The following MELK variants were observed in gnomAD, a reference collection of about 807,000 sequenced individuals.
MELK encodes the protein maternal embryonic leucine zipper kinase, also known as pEg3 kinase.
MELK carries 81 observed loss-of-function variants against 85.0 expected under a neutral mutation model. The observed-to-expected ratio is 0.95, with a 90% confidence interval of 0.80 to 1.15. The LOEUF (loss-of-function observed/expected upper bound fraction) is 1.15. Among genes scored for constraint, MELK ranks in the 50% most tolerant of loss-of-function variants. The pLI, the probability that MELK is intolerant of heterozygous loss-of-function variation, is 0.00. For missense variants in MELK, 754 were observed against 777.5 expected (o/e 0.97, Z 0.36); for synonymous variants, 252 against 265.0 (o/e 0.95, Z 0.48).
At chr9:36,595,478 C>A (rs1014787477) in intron 5 of MELK, among the ~76,000 whole-genome samples, 1 of 152,030 alleles carries the variant, frequency 6.6e-6, no homozygotes, top group African/African-American at 2.4e-5. Flanking sequence ...GCTATTCTTT[C>A]GCCCTGGCCT....
chr9:36,663,205 C>T (rs947083470), intron 13 of MELK, among the ~76,000 whole-genome samples: 9 of 151,822 alleles, frequency 5.9e-5, no homozygotes, highest in Non-Finnish European at 1.2e-4. Context: ...CTCAGCCTCC[C>T]GAGTAGCTGG....
chr9:36,626,705 C>T (rs1006164276), intron 8 of MELK, among the ~76,000 whole-genome samples: 37 of 152,050 alleles, frequency 2.4e-4, no homozygotes, highest in Non-Finnish European at 2.1e-4. Context: ...CGGCTGTAAT[C>T]CCAGCACTTT....
intron 1 of MELK, among the ~76,000 whole-genome samples, chr9:36,577,270 T>C (rs1821753606): frequency 6.6e-6 from 1 of 152,060 alleles, no homozygotes; most frequent in Non-Finnish European, 1.5e-5. Context: ...CCCAGCACTT[T>C]GGGAGGCCAA....
At chr9:36,598,000 T>A (rs1334867077) in intron 6 of MELK, among the ~76,000 whole-genome samples, 1 of 152,220 alleles carries the variant, frequency 6.6e-6, no homozygotes, top group Admixed American at 6.5e-5. Context: ...AATTGCAGAC[T>A]TGTCTCGGGC....
At position 36,643,108 on chromosome 9, in the gene MELK, C is replaced by T. The variant is rs538912646; in HGVS notation, c.921+25C>T. On this transcript the variant is annotated intron_variant, in intron 11 of 17. Coordinates refer to ENST00000298048, the MANE Select transcript of MELK (RefSeq NM_014791.4). ...GGTAAGAAATACAGCATGGGCTGGG[C>T]GCAGTGGCTCACGCCTGTAATCCAA... is the stretch of plus-strand genomic sequence containing the variant. 2.7e-5 allele frequency: 43 copies of T among 1,588,216 alleles called. No individual in the cohort carries two copies. In the Middle Eastern group the frequency reaches 5.0e-4, roughly 19 times the overall value.
intron 12 of MELK, among the ~76,000 whole-genome samples, chr9:36,653,310 C>T (rs1423630672): frequency 6.6e-6 from 1 of 152,074 alleles, no homozygotes; most frequent in East Asian, 1.9e-4. Flanking sequence ...CCACACCTGG[C>T]TAATTTTTAA....
intron 8 of MELK, among the ~76,000 whole-genome samples, chr9:36,629,843 GTT>G (rs11298711): frequency 0.04 from 4,422 of 111,310 alleles, 64 homozygotes; most frequent in African/African-American, 0.12. Flanking sequence ...GCAAGAAATT[GTT>G]TTTTTTTTTT....
intron 11 of MELK, among the ~76,000 whole-genome samples, chr9:36,647,629 C>T (rs551113025): frequency 6.6e-6 from 1 of 152,136 alleles, no homozygotes; most frequent in Admixed American, 6.5e-5. Flanking sequence ...GCTGGGATTA[C>T]AGGCGCCTGC....
At chr9:36,635,798 C>G (rs1297009327) in intron 10 of MELK, among the ~76,000 whole-genome samples, 2 of 134,096 alleles carry the variant, frequency 1.5e-5, no homozygotes, top group Non-Finnish European at 3.3e-5. Flanking sequence ...TTAAAAAATG[C>G]TTTTTTTTTT....
intron 7 of MELK, among the ~76,000 whole-genome samples, chr9:36,603,899 TATC>T (rs1166860828): frequency 1.3e-5 from 2 of 152,188 alleles, no homozygotes; most frequent in Non-Finnish European, 2.9e-5. Flanking sequence ...GGGATGTTAT[TATC>T]ATTTTATTCC....
At chr9:36,597,171 G>A (rs1824376591) in intron 5 of MELK, 51 bp from the exon 6 acceptor site, 2 of 1,475,114 alleles carry the variant, frequency 1.4e-6, no homozygotes, top group Admixed American at 1.7e-5. Flanking sequence ...GAGGTGGGAT[G>A]TGATATAAGG....
chr9:36,625,566 T>C (rs1034341103), intron 8 of MELK, among the ~76,000 whole-genome samples: 5 of 152,262 alleles, frequency 3.3e-5, no homozygotes, highest in Admixed American at 2.0e-4. Flanking sequence ...TGGGGTCCAG[T>C]TGGCTGTAGA....
intron 3 of MELK, among the ~76,000 whole-genome samples, 167 bp from the exon 4 acceptor site, chr9:36,589,360 GGATGGTCTC>G (rs1388664592): frequency 6.6e-6 from 1 of 152,066 alleles, no homozygotes; most frequent in Non-Finnish European, 1.5e-5. Flanking sequence ...GTGTTAGCCA[GGATGGTCTC>G]GATTTCCTGA....
At chr9:36,586,098 T>G (rs1308717764) in intron 3 of MELK, among the ~76,000 whole-genome samples, 3 of 152,070 alleles carry the variant, frequency 2.0e-5, no homozygotes, top group Admixed American at 6.6e-5. Context: ...CCCAGAACTT[T>G]GGGAGAACAA....
intron 10 of MELK, among the ~76,000 whole-genome samples, chr9:36,636,782 T>TTCTTTCTTTCTTTCTG (rs71494635): frequency 0.069 from 7,404 of 106,634 alleles, 397 homozygotes; most frequent in Admixed American, 0.093. Flanking sequence ...CTTTCTTTCT[T>TTCTTTCTTTCTTTCTG]TCTGTCTGTC....
intron 8 of MELK, among the ~76,000 whole-genome samples, chr9:36,627,053 AAC>A (rs10608377): frequency 0.2 from 27,811 of 140,494 alleles, 2,545 homozygotes; most frequent in Admixed American, 0.26. Context: ...CACAAGCGCA[AAC>A]ACACACACAC....
intron 8 of MELK, among the ~76,000 whole-genome samples, chr9:36,609,663 G>T (rs1230851287): frequency 6.6e-6 from 1 of 151,784 alleles, no homozygotes; most frequent in African/African-American, 2.4e-5. Context: ...TGTTACCCAG[G>T]CTGGTCTCAA....
At position 36,600,100 on chromosome 9, in the gene MELK, T is replaced by TTTTG. The variant is rs941167259; in HGVS notation, c.567+617_567+618insGTTT. ...CCAAATCTTTTTTTGTTTTGTTTTG[T>TTTTG]TTTTTTTTTTTGAGACGGAGTCTCA... On this transcript the variant is annotated intron_variant, in intron 7 of 17. Transcript: ENST00000298048. Among the ~76,000 whole-genome samples, 10 of 91,078 alleles carry TTTTG rather than the reference T, an allele frequency of 1.1e-4. No individual in the cohort carries two copies. The African/African-American group carries it at 1.1e-3, about 10-fold the overall frequency. 59.8% of individuals were successfully genotyped at this position (91,078 alleles called of 152,430 possible). A position where few individuals can be genotyped will look rare whatever the true frequency, so the allele number is the denominator to read the frequency against.
intron 7 of MELK, among the ~76,000 whole-genome samples, chr9:36,600,207 C>T (rs1295888428): frequency 1.3e-5 from 2 of 151,782 alleles, no homozygotes; most frequent in African/African-American, 4.8e-5. Flanking sequence ...GATTCTCCTT[C>T]AGCCTCCCAA....
Sources: gnomAD v4.1 joint callset for allele counts (sites outside exome capture counted in the v4.1 genomes callset) on GRCh38, gnomAD v4.1.1 for gene constraint, MANE v1.5 for transcripts, NCBI Gene and HGNC (gene_info 2026-07-23, HGNC 2026-07-21) for gene names.